The following TRPV1 variants were observed in gnomAD, a reference collection of about 807,000 sequenced individuals.
The protein encoded by TRPV1 is OTRPC1.
TRPV1 carries 82 observed loss-of-function variants against 82.3 expected under a neutral mutation model. The observed-to-expected ratio is 1.00, with a 90% confidence interval of 0.83 to 1.20. The LOEUF (loss-of-function observed/expected upper bound fraction) is 1.20. Ranked by LOEUF, TRPV1 falls within the 50% of genes most tolerant of loss-of-function variation. The probability of loss-of-function intolerance (pLI) is 0.00; values close to 1 mark genes in which losing one functional copy is unlikely to be tolerated. For synonymous variants in TRPV1, 515 were observed against 467.7 expected (o/e 1.10, Z -1.30); for missense variants, 1,067 against 1,096.8 (o/e 0.97, Z 0.38).
chr17:3,569,941 G>T (rs367655557), intron 16 of TRPV1, among the ~76,000 whole-genome samples: 14 of 136,580 alleles, frequency 1.0e-4, no homozygotes, highest in South Asian at 5.0e-4. Flanking sequence ...AGGGGCCAAG[G>T]GGTCAGGGAG....
intron 11 of TRPV1, among the ~76,000 whole-genome samples, chr17:3,579,900 A>T (rs1244733155): frequency 6.6e-6 from 1 of 152,072 alleles, no homozygotes; most frequent in Non-Finnish European, 1.5e-5. Flanking sequence ...ATATCTGGAA[A>T]TGTTCTTGAT....
At chr17:3,582,103 T>C (rs547218054) in intron 10 of TRPV1, among the ~76,000 whole-genome samples, 1 of 139,784 alleles carries the variant, frequency 7.2e-6, no homozygotes, top group African/African-American at 2.7e-5. Context: ...GGCAGGAGAA[T>C]GGCGTGAACC....
chr17:3,576,804 G>A (rs1357932538), intron 13 of TRPV1, among the ~76,000 whole-genome samples: 3 of 141,032 alleles, frequency 2.1e-5, no homozygotes, highest in Non-Finnish European at 4.5e-5. Context: ...AGCCAAGGTC[G>A]TGCCACTGCA....
At chr17:3,603,467 A>G (rs930845568) in intron 2 of TRPV1, among the ~76,000 whole-genome samples, 1 of 152,188 alleles carries the variant, frequency 6.6e-6, no homozygotes, top group Non-Finnish European at 1.5e-5. Flanking sequence ...TGCCGGCTGT[A>G]TGGACTCCGG....
intron 2 of TRPV1, among the ~76,000 whole-genome samples, chr17:3,600,379 G>A (rs2075251702): frequency 6.6e-6 from 1 of 152,180 alleles, no homozygotes; most frequent in Non-Finnish European, 1.5e-5. Flanking sequence ...TCTGAGGTCA[G>A]GAGTTCAAGA....
chr17:3,577,644 G>C lies in TRPV1; in HGVS notation c.1667C>G (p.Thr556Ser). The change falls in exon 12 of 17, where the codon ACC becomes AGC. Residue 556 changes from threonine to serine, a missense_variant. Thr to Ser is a moderately conservative substitution (Grantham distance 58). Transcript: ENST00000572705. ...GATGCCCATCTGCTGGAAACCGCGGGTGTAGTAGAGCATGTTGGTCCAGCC... is the reference window on the plus strand; with the variant it reads ...GATGCCCATCTGCTGGAAACCGCGGCTGTAGTAGAGCATGTTGGTCCAGCC... ...ALGWTNMLYY[T>S]RGFQQMGIYA... The C allele has an allele frequency of 6.3e-7, 1 of 1,585,502 alleles. No homozygotes were observed. Among genetic ancestry groups the C allele is most frequent in the Non-Finnish European group, 8.6e-7 (1 of 1,166,258 alleles).
intron 2 of TRPV1, among the ~76,000 whole-genome samples, chr17:3,599,357 C>G (rs2075245129): frequency 6.6e-6 from 1 of 152,166 alleles, no homozygotes; most frequent in Admixed American, 6.5e-5. Context: ...CACTGTTGTA[C>G]AACCATCAGC....
At chr17:3,573,014 CAG>C (rs1477928806) in intron 14 of TRPV1, among the ~76,000 whole-genome samples, 2 of 132,818 alleles carry the variant, frequency 1.5e-5, no homozygotes, top group Non-Finnish European at 3.1e-5. Context: ...AAAAAAGGAA[CAG>C]TAATAGAATC....
At chr17:3,581,277 C>T (rs570682026) in intron 10 of TRPV1, among the ~76,000 whole-genome samples, 8 of 151,924 alleles carry the variant, frequency 5.3e-5, no homozygotes, top group African/African-American at 7.2e-5. Flanking sequence ...TTTCACATGC[C>T]GAGCATATTT....
chr17:3,598,292 C>A (rs1369408895), intron 2 of TRPV1, among the ~76,000 whole-genome samples: 1 of 152,206 alleles, frequency 6.6e-6, no homozygotes, highest in Non-Finnish European at 1.5e-5. Context: ...AGCTCTGACC[C>A]CTGAGTCAAG....
intron 10 of TRPV1, 119 bp downstream of exon 10, chr17:3,583,210 GTCTCTCAGC>G: frequency 1.2e-6 from 1 of 838,034 alleles, no homozygotes; most frequent in East Asian, 2.7e-5. Context: ...TCACCTCTGC[GTCTCTCAGC>G]TCCCCAAGTA....
intron 16 of TRPV1, 35 bp from the exon 17 acceptor site, chr17:3,567,022 C>T: frequency 6.2e-7 from 1 of 1,605,422 alleles, no homozygotes; most frequent in Non-Finnish European, 8.5e-7. Context: ...TTGGATGCAA[C>T]AAAACAAACA....
Position 3,580,496 on chromosome 17 carries a change from A to G in TRPV1, c.1508T>C (p.Met503Thr), listed in dbSNP as rs376490693. The G allele has an allele frequency of 3.7e-6, 6 of 1,614,046 alleles. No homozygotes were observed. Among genetic ancestry groups the G allele is most frequent in the East Asian group, 4.5e-5 (2 of 44,888 alleles). The change falls in exon 11 of 17, where the codon ATG (methionine) becomes ACG (threonine). Residue 503 changes from methionine to threonine, a missense_variant. Coordinates refer to ENST00000572705, the MANE Select transcript of TRPV1 (RefSeq NM_080704.4). Reference protein sequence around the residue: ...IQYFLQRRPSMKTLFVDSYSE... With the variant: ...IQYFLQRRPSTKTLFVDSYSE... ...GTAGCTGTCCACAAACAGGGTCTTC[A>G]TCGACGGCCGCCTCTGCAGGAAATA...
Position 3,591,033 on chromosome 17 carries a change from C to T in TRPV1, c.535G>A (p.Glu179Lys). 7 of 1,612,640 alleles carry T rather than the reference C, an allele frequency of 4.3e-6. No individual in the cohort carries two copies. Among genetic ancestry groups the T allele is most frequent in the Non-Finnish European group, 5.9e-6 (7 of 1,179,438 alleles). The change falls in exon 5 of 17, where the codon GAG becomes AAG. Residue 179 changes from glutamate to lysine, a missense_variant. Coordinates refer to ENST00000572705, the MANE Select transcript of TRPV1 (RefSeq NM_080704.4). ...GQNTTIPLLL[E>K]IARQTDSLKE... ...AGGCTGTCCGTTTGCCGCGCGATCT[C>T]CAGGAGCAGGGGGATGGTGGTGTTC...
intron 2 of TRPV1, among the ~76,000 whole-genome samples, chr17:3,597,707 T>C (rs1206860723): frequency 7.1e-6 from 1 of 139,902 alleles, no homozygotes; most frequent in Non-Finnish European, 1.5e-5. Context: ...AGAGTCTTAC[T>C]CTGTCGTCCA....
At chr17:3,584,130 C>T (rs1264615720) in intron 9 of TRPV1, among the ~76,000 whole-genome samples, 2 of 151,888 alleles carry the variant, frequency 1.3e-5, no homozygotes, top group African/African-American at 2.4e-5. Flanking sequence ...ATTAGCCAGG[C>T]GTGGTAGCTC....
At chr17:3,579,406 C>T (rs993440697) in intron 11 of TRPV1, among the ~76,000 whole-genome samples, 7 of 152,038 alleles carry the variant, frequency 4.6e-5, no homozygotes, top group Admixed American at 1.3e-4. Flanking sequence ...GGAAGGCCCT[C>T]GGTGCACACT....
intron 7 of TRPV1, among the ~76,000 whole-genome samples, chr17:3,589,266 G>C (rs904706075): frequency 7.3e-5 from 11 of 151,174 alleles, no homozygotes; most frequent in African/African-American, 2.7e-4. Flanking sequence ...GAGTGCGGTG[G>C]CAAAATCTTG....
intron 2 of TRPV1, among the ~76,000 whole-genome samples, chr17:3,605,917 A>ACACCCAGCC (rs2075293536): frequency 6.6e-6 from 1 of 152,034 alleles, no homozygotes; most frequent in South Asian, 2.1e-4. Flanking sequence ...GACAACCCCC[A>ACACCCAGCC]AATCTCAGTG....
Sources: allele counts gnomAD v4.1 joint callset (sites outside exome capture counted in the v4.1 genomes callset), GRCh38; gene constraint gnomAD v4.1.1; transcripts MANE v1.5; gene names NCBI Gene and HGNC (gene_info 2026-07-23, HGNC 2026-07-21).